Variants in ZNG1F observed in about 807,000 individuals in gnomAD.
ZNG1F encodes the protein zinc-regulated GTPase metalloprotein activator 1F.
chr9:41,184,100 A>G, the ZNG1F span, among the ~76,000 whole-genome samples: 2 of 151,140 alleles, frequency 1.3e-5, no homozygotes, highest in East Asian at 3.9e-4. Flanking sequence ...TCTGTTAGAC[A>G]AACTGCTGAA....
chr9:41,163,940 TA>T, the ZNG1F span, among the ~76,000 whole-genome samples: 4 of 122,156 alleles, frequency 3.3e-5, no homozygotes, highest in East Asian at 2.5e-4. Flanking sequence ...GGAGACATTA[TA>T]TTTTTTTATA....
chr9:41,180,685 C>CA, the ZNG1F span, among the ~76,000 whole-genome samples: 1 of 116,436 alleles, frequency 8.6e-6, no homozygotes, highest in Non-Finnish European at 1.8e-5. Context: ...TGTGCGTGTG[C>CA]ATGTGCGTGT....
chr9:41,192,915 T>A, the ZNG1F span, among the ~76,000 whole-genome samples: 6 of 151,876 alleles, frequency 4.0e-5, no homozygotes, highest in Middle Eastern at 3.4e-3. Flanking sequence ...TTCCTCCTCA[T>A]TTAGCTTTGC....
At chr9:41,154,856 A>G in the ZNG1F span, among the ~76,000 whole-genome samples, 1 of 149,842 alleles carries the variant, frequency 6.7e-6, no homozygotes, top group Non-Finnish European at 1.5e-5. Context: ...AATCAATTCA[A>G]GATGGATTAA....
the ZNG1F span, among the ~76,000 whole-genome samples, chr9:41,185,677 A>G: frequency 1.3e-5 from 2 of 151,580 alleles, no homozygotes; most frequent in Non-Finnish European, 2.9e-5. Context: ...ATCTCAAAAA[A>G]AATAAAATAA....
At chr9:41,150,554 T>C in the ZNG1F span, among the ~76,000 whole-genome samples, 5 of 110,070 alleles carry the variant, frequency 4.5e-5, no homozygotes, top group African/African-American at 7.1e-5. Context: ...CAGTAACCTC[T>C]GCAGACTTAC....
At chr9:41,138,894 T>A in the ZNG1F span, among the ~76,000 whole-genome samples, 5 of 131,060 alleles carry the variant, frequency 3.8e-5, 1 homozygote, top group African/African-American at 6.3e-5. Context: ...CTTTTTTTTT[T>A]ATATATATAT....
chr9:41,149,754 C>T, the ZNG1F span, among the ~76,000 whole-genome samples: 1 of 150,898 alleles, frequency 6.6e-6, no homozygotes, highest in African/African-American at 2.4e-5. Context: ...ATCTGCTGCA[C>T]ATCCTCATGC....
the ZNG1F span, among the ~76,000 whole-genome samples, chr9:41,200,833 G>T: frequency 6.6e-6 from 1 of 152,052 alleles, no homozygotes; most frequent in African/African-American, 2.4e-5. Context: ...AAAACCATCA[G>T]ATCTTGTGAG....
chr9:41,201,313 T>G, the ZNG1F span, among the ~76,000 whole-genome samples: 2 of 139,966 alleles, frequency 1.4e-5, no homozygotes, highest in Non-Finnish European at 3.1e-5. Context: ...AAGCAATATG[T>G]TTGTGATGAT....
chr9:41,183,193 G>A, the ZNG1F span, among the ~76,000 whole-genome samples: 1 of 128,118 alleles, frequency 7.8e-6, no homozygotes, highest in Admixed American at 8.4e-5. Context: ...AGAACATAAT[G>A]TAAGGTTTTT....
the ZNG1F span, among the ~76,000 whole-genome samples, chr9:41,154,752 G>C: frequency 6.7e-6 from 1 of 150,122 alleles, no homozygotes; most frequent in Non-Finnish European, 1.5e-5. Context: ...CAAGCAGTGG[G>C]GAAAGATTCC....
At chr9:41,147,675 A>G in the ZNG1F span, among the ~76,000 whole-genome samples, 2 of 96,318 alleles carry the variant, frequency 2.1e-5, no homozygotes, top group African/African-American at 9.4e-5. Context: ...CCTGTCTCCA[A>G]GGGGAAAAAA....
At chr9:41,154,659 A>G in the ZNG1F span, among the ~76,000 whole-genome samples, 32 of 148,110 alleles carry the variant, frequency 2.2e-4, 2 homozygotes, top group Admixed American at 1.9e-3. Context: ...AAACAGAGAT[A>G]TAGATCAATG....
chr9:41,166,412 T>G, the ZNG1F span, among the ~76,000 whole-genome samples: 7 of 87,394 alleles, frequency 8.0e-5, no homozygotes, highest in Non-Finnish European at 1.6e-4. Flanking sequence ...TGAGATTCTG[T>G]CTCAAAAAAT....
At chr9:41,158,348 A>T in the ZNG1F span, 1 of 134,816 alleles carries the variant, frequency 7.4e-6, no homozygotes, top group African/African-American at 2.8e-5. Flanking sequence ...AAAAGATAAA[A>T]ATAAATAAAA....
chr9:41,146,038 G>A, the ZNG1F span: 2 of 139,484 alleles, frequency 1.4e-5, no homozygotes, highest in Non-Finnish European at 3.1e-5. Flanking sequence ...GAACAGTGAG[G>A]GGTAAATTAG....
the ZNG1F span, among the ~76,000 whole-genome samples, chr9:41,137,119 C>A: frequency 7.7e-6 from 1 of 130,674 alleles, no homozygotes; most frequent in East Asian, 2.3e-4. Context: ...GCATTTAGGG[C>A]TATGAACTTT....
chr9:41,202,037 C>A, the ZNG1F span, among the ~76,000 whole-genome samples: 2 of 39,082 alleles, frequency 5.1e-5, 1 homozygote, highest in African/African-American at 1.1e-4. Context: ...ATAAAAACAG[C>A]AAAGTTAACA....
Sources: gnomAD v4.1 joint callset for allele counts (sites outside exome capture counted in the v4.1 genomes callset) on GRCh38, gnomAD v4.1.1 for gene constraint, MANE v1.5 for transcripts, NCBI Gene and HGNC (gene_info 2026-07-23, HGNC 2026-07-21) for gene names.